MSRA: variants seen among roughly 807,000 people sequenced by gnomAD.
MSRA encodes the protein mitochondrial peptide methionine sulfoxide reductase.
Under a neutral mutation model 31.3 loss-of-function variants are expected in MSRA, and 54 were observed. That is an observed-to-expected ratio of 1.73 (90% CI 1.39 to 2.17). The LOEUF is 2.17. Among genes scored for constraint, MSRA ranks in the 30% most tolerant of loss-of-function variants. The pLI is 0.00. For missense variants in MSRA, 507 were observed against 300.9 expected (o/e 1.69, Z -5.07); for synonymous variants, 169 against 116.5 (o/e 1.45, Z -2.90).
At chr8:10,282,852 G>C (rs886181217) in intron 3 of MSRA, among the ~76,000 whole-genome samples, 1 of 152,020 alleles carries the variant, frequency 6.6e-6, no homozygotes, top group Non-Finnish European at 1.5e-5. Context: ...TGAAAAGCAG[G>C]TTACTTCATC....
intron 5 of MSRA, among the ~76,000 whole-genome samples, chr8:10,380,881 G>GGGTA (rs780615567): frequency 1.3e-5 from 2 of 151,546 alleles, no homozygotes; most frequent in Non-Finnish European, 2.9e-5. Flanking sequence ...ATGGGTGGGT[G>GGGTA]GGTAGATGGA....
intron 5 of MSRA, among the ~76,000 whole-genome samples, chr8:10,385,942 C>G (rs935841294): frequency 2.0e-5 from 3 of 152,040 alleles, no homozygotes; most frequent in African/African-American, 7.2e-5. Context: ...ATCACAGACA[C>G]CAGGAAAGAA....
intron 2 of MSRA, among the ~76,000 whole-genome samples, chr8:10,221,452 A>G (rs1810493100): frequency 2.0e-5 from 3 of 151,224 alleles, no homozygotes; most frequent in African/African-American, 4.8e-5. Context: ...ATACATATAT[A>G]TATTTGTTCT....
chr8:10,370,651 C>T (rs1046153103), intron 5 of MSRA, among the ~76,000 whole-genome samples: 10 of 152,216 alleles, frequency 6.6e-5, no homozygotes, highest in East Asian at 1.9e-4. Flanking sequence ...ACCTCTCCCT[C>T]GGGCCAACCA....
intron 5 of MSRA, chr8:10,337,771 C>T (rs1486489648): frequency 8.5e-6 from 6 of 702,514 alleles, no homozygotes; most frequent in East Asian, 2.7e-5. Flanking sequence ...CTGCTCAACT[C>T]GCCTGGGTGC....
chr8:10,280,289 A>T (rs560864164), intron 3 of MSRA, among the ~76,000 whole-genome samples: 2 of 152,034 alleles, frequency 1.3e-5, no homozygotes. Flanking sequence ...TCCATCCTTC[A>T]AATACCTTCG....
At chr8:10,190,985 T>G (rs1243774455) in intron 1 of MSRA, among the ~76,000 whole-genome samples, 1 of 152,184 alleles carries the variant, frequency 6.6e-6, no homozygotes, top group Non-Finnish European at 1.5e-5. Flanking sequence ...GCATTAGTTT[T>G]CTGGTGTCTC....
chr8:10,222,475 A>G (rs899353666), intron 2 of MSRA, among the ~76,000 whole-genome samples: 9 of 152,204 alleles, frequency 5.9e-5, no homozygotes, highest in South Asian at 2.1e-4. Flanking sequence ...CAACAAGACT[A>G]TTATATCATT....
intron 4 of MSRA, among the ~76,000 whole-genome samples, chr8:10,317,420 G>A (rs1449080251): frequency 2.6e-5 from 4 of 152,190 alleles, no homozygotes; most frequent in Non-Finnish European, 4.4e-5. Flanking sequence ...TAGATGAAGC[G>A]TTTCTGTTTT....
chr8:10,271,407 A>G (rs949426591), intron 3 of MSRA, among the ~76,000 whole-genome samples: 3 of 130,494 alleles, frequency 2.3e-5, no homozygotes, highest in Non-Finnish European at 5.0e-5. Flanking sequence ...TTTAGAGTAC[A>G]TGACCAAATA....
chr8:10,400,023 A>G (rs1371357800), intron 5 of MSRA, among the ~76,000 whole-genome samples: 5 of 152,190 alleles, frequency 3.3e-5, no homozygotes, highest in East Asian at 1.9e-4. Flanking sequence ...GTTAAAATGA[A>G]TATGGATTGT....
chr8:10,095,777 A>G, intron 1 of MSRA: 1 of 1,180,288 alleles, frequency 8.5e-7, no homozygotes, highest in Non-Finnish European at 1.1e-6. Context: ...GTGTTGGTAC[A>G]TACAATGACG....
intron 3 of MSRA, among the ~76,000 whole-genome samples, chr8:10,278,897 A>G (rs997605359): frequency 6.6e-6 from 1 of 152,220 alleles, no homozygotes; most frequent in Non-Finnish European, 1.5e-5. Context: ...TTGGAGCTGT[A>G]AGTCTTACTG....
chr8:10,344,099 C>G (rs1803616132), intron 5 of MSRA, among the ~76,000 whole-genome samples: 1 of 152,186 alleles, frequency 6.6e-6, no homozygotes, highest in African/African-American at 2.4e-5. Flanking sequence ...GAGCTTCTCC[C>G]TCTTGCTAAG....
At chr8:10,149,422 C>T (rs1047622653) in intron 1 of MSRA, among the ~76,000 whole-genome samples, 6 of 152,228 alleles carry the variant, frequency 3.9e-5, no homozygotes, top group African/African-American at 9.6e-5. Context: ...CCGCGCCCGG[C>T]TGAGAAATTC....
At chr8:10,191,894 C>G (rs116475112) in intron 1 of MSRA, among the ~76,000 whole-genome samples, 130 of 152,252 alleles carry the variant, frequency 8.5e-4, no homozygotes, top group African/African-American at 3.0e-3. Flanking sequence ...TAAAACAACA[C>G]TCATTTACTA....
At chr8:10,352,999 G>A (rs149802295) in intron 5 of MSRA, among the ~76,000 whole-genome samples, 8 of 152,200 alleles carry the variant, frequency 5.3e-5, no homozygotes, top group African/African-American at 1.7e-4. Context: ...TTTTTGAGGT[G>A]TGTCTCTGTG....
intron 1 of MSRA, among the ~76,000 whole-genome samples, chr8:10,157,637 A>G (rs1487672796): frequency 2.6e-5 from 4 of 151,994 alleles, no homozygotes; most frequent in African/African-American, 9.7e-5. Flanking sequence ...CTAAAATAAT[A>G]ATAATAATAG....
At chr8:10,186,583 A>G (rs971939564) in intron 1 of MSRA, among the ~76,000 whole-genome samples, 3 of 152,224 alleles carry the variant, frequency 2.0e-5, no homozygotes, top group South Asian at 4.1e-4. Context: ...CCCCTGTTCT[A>G]TAACTAATTG....
Sources: gnomAD v4.1 joint callset for allele counts (sites outside exome capture counted in the v4.1 genomes callset) on GRCh38, gnomAD v4.1.1 for gene constraint, MANE v1.5 for transcripts, NCBI Gene and HGNC (gene_info 2026-07-23, HGNC 2026-07-21) for gene names.